Variants in GRM7 observed in about 807,000 individuals in gnomAD.
GRM7 encodes glutamate metabotropic receptor 7.
In GRM7, 35 loss-of-function variants were observed where a neutral mutation model predicts 84.5. That is an observed-to-expected ratio of 0.41 (90% confidence interval 0.32 to 0.55). The LOEUF is 0.55. Among genes scored for constraint, GRM7 ranks in the 20% least tolerant of loss-of-function variants. GRM7 has a pLI of 0.19. For synonymous variants in GRM7, 487 were observed against 455.1 expected (o/e 1.07, Z -0.89); for missense variants, 1,003 against 1,194.6 (o/e 0.84, Z 2.36).
intron 1 of GRM7, among the ~76,000 whole-genome samples, chr3:7,062,490 C>A (rs1218594673): frequency 2.6e-5 from 4 of 151,582 alleles, no homozygotes; most frequent in South Asian, 2.1e-4. Context: ...TATAAAGGAA[C>A]AATAAATACA....
chr3:6,898,750 G>A (rs538486264), intron 1 of GRM7, among the ~76,000 whole-genome samples: 3 of 151,424 alleles, frequency 2.0e-5, no homozygotes, highest in African/African-American at 7.3e-5. Context: ...AAGGCAGGAA[G>A]ATCACTTGAG....
intron 8 of GRM7, among the ~76,000 whole-genome samples, chr3:7,583,592 T>G (rs1405738368): frequency 6.6e-6 from 1 of 152,224 alleles, no homozygotes; most frequent in African/African-American, 2.4e-5. Flanking sequence ...TTCAGCTGTT[T>G]GCTGTCATTG....
At chr3:7,130,261 G>A (rs572949639) in intron 1 of GRM7, among the ~76,000 whole-genome samples, 2 of 152,150 alleles carry the variant, frequency 1.3e-5, no homozygotes, top group Admixed American at 6.5e-5. Context: ...CATGGCTTAT[G>A]GGATGGGCCT....
chr3:6,868,241 A>G (rs975380214), intron 1 of GRM7, among the ~76,000 whole-genome samples: 1 of 152,192 alleles, frequency 6.6e-6, no homozygotes, highest in Non-Finnish European at 1.5e-5. Flanking sequence ...AACTTGTCAG[A>G]TTTGTCTGAC....
At chr3:7,343,575 C>A (rs1692749586) in intron 4 of GRM7, among the ~76,000 whole-genome samples, 1 of 152,094 alleles carries the variant, frequency 6.6e-6, no homozygotes, top group East Asian at 1.9e-4. Context: ...TAAATTAATG[C>A]ACAGAGGTCT....
intron 8 of GRM7, among the ~76,000 whole-genome samples, chr3:7,625,586 T>C (rs1697572672): frequency 6.6e-6 from 1 of 152,094 alleles, no homozygotes; most frequent in Admixed American, 6.5e-5. Context: ...GGAGGATCCT[T>C]TGAGCCCAGG....
At chr3:7,621,743 A>G (rs915561687) in intron 8 of GRM7, among the ~76,000 whole-genome samples, 8 of 152,114 alleles carry the variant, frequency 5.3e-5, no homozygotes, top group Non-Finnish European at 1.2e-4. Flanking sequence ...AATTACAGAA[A>G]ACGATGAAAC....
chr3:7,707,872 T>G (rs1386436391), intron 9 of GRM7, among the ~76,000 whole-genome samples: 1 of 152,092 alleles, frequency 6.6e-6, no homozygotes, highest in African/African-American at 2.4e-5. Context: ...TTAACTTCAT[T>G]CTTATCAGAG....
chr3:7,713,228 C>T (rs1701653789), intron 9 of GRM7, among the ~76,000 whole-genome samples: 1 of 148,292 alleles, frequency 6.7e-6, no homozygotes, highest in East Asian at 2.0e-4. Context: ...ACCTCTGCCT[C>T]CAGGTTCAAG....
intron 1 of GRM7, among the ~76,000 whole-genome samples, chr3:7,145,321 G>A (rs1399749065): frequency 6.6e-6 from 1 of 152,060 alleles, no homozygotes; most frequent in African/African-American, 2.4e-5. Flanking sequence ...AAAATTAATT[G>A]TATCACTCAT....
intron 7 of GRM7, among the ~76,000 whole-genome samples, chr3:7,543,697 T>C (rs779737): frequency 0.71 from 107,348 of 152,136 alleles, 38,248 homozygotes; most frequent in African/African-American, 0.78. Context: ...GAAGATTTTG[T>C]CAGAATTTAA....
chr3:7,224,923 A>AT (rs1334296916), intron 2 of GRM7, among the ~76,000 whole-genome samples: 1 of 152,150 alleles, frequency 6.6e-6, no homozygotes, highest in Non-Finnish European at 1.5e-5. Flanking sequence ...CTTATGCTGC[A>AT]TGTACCCTTG....
rs750908615 is a variant in GRM7 at position 7,461,632 on chromosome 3, G to A, written c.1425G>A (p.Gly475=). The part of the protein sequence containing the change: ...VMFNKNGDAP[G]RYDIFQYQTT... The stretch of plus-strand genomic sequence containing the variant: ...TTAACAAGAACGGGGATGCACCTGG[G>A]CGTTATGACATCTTTCAGTACCAGA... The change falls in exon 7 of 10, where the codon GGG becomes GGA. Residue 475 remains glycine (G), a synonymous_variant. Transcript: ENST00000357716. The A allele has an allele frequency of 2.9e-5, 46 of 1,612,600 alleles. No individual in the cohort carries two copies. Among genetic ancestry groups the A allele is most frequent in the Non-Finnish European group, 3.8e-5 (45 of 1,178,790 alleles).
At chr3:7,212,048 C>T (rs1418178125) in intron 2 of GRM7, among the ~76,000 whole-genome samples, 1 of 152,006 alleles carries the variant, frequency 6.6e-6, no homozygotes, top group Non-Finnish European at 1.5e-5. Context: ...CTTACCAAAC[C>T]ACCTCCTCAG....
chr3:6,905,952 A>G (rs894946502), intron 1 of GRM7, among the ~76,000 whole-genome samples: 3 of 152,170 alleles, frequency 2.0e-5, no homozygotes, highest in African/African-American at 7.2e-5. Context: ...TGAGGGATAA[A>G]CCTAAGTGGC....
intron 9 of GRM7, among the ~76,000 whole-genome samples, chr3:7,698,872 C>T (rs1701118024): frequency 6.6e-6 from 1 of 152,054 alleles, no homozygotes. Flanking sequence ...GTGAATATTC[C>T]CAAATTCTCT....
chr3:7,141,793 A>G (rs1365146813), intron 1 of GRM7, among the ~76,000 whole-genome samples: 1 of 152,120 alleles, frequency 6.6e-6, no homozygotes, highest in Non-Finnish European at 1.5e-5. Flanking sequence ...TAAGAATTTA[A>G]TATAGAACAA....
At chr3:7,345,032 A>G (rs943961667) in intron 4 of GRM7, among the ~76,000 whole-genome samples, 1 of 152,180 alleles carries the variant, frequency 6.6e-6, no homozygotes, top group African/African-American at 2.4e-5. Context: ...GCTGTACCCC[A>G]TAAATATGTG....
In GRM7 at chr3:7,167,786, A is replaced by G. The variant is rs374210050; in HGVS notation, c.736+21118A>G. The stretch of plus-strand genomic sequence containing the variant: ...AGATTGAGACCATCCTGGCTAACAC[A>G]GTGAAACCCCGTCTCAACTAAATAT... On this transcript the variant is annotated intron_variant, in intron 2 of 9. Coordinates refer to ENST00000357716, the MANE Select transcript of GRM7 (RefSeq NM_000844.4). Among the ~76,000 whole-genome samples the G allele has an allele frequency of 2.2e-4, 33 of 151,880 alleles. No individual in the cohort carries two copies. In the East Asian group the frequency reaches 3.1e-3, roughly 14 times the overall value.
Sources: allele counts gnomAD v4.1 joint callset (sites outside exome capture counted in the v4.1 genomes callset), GRCh38; gene constraint gnomAD v4.1.1; transcripts MANE v1.5; gene names NCBI Gene and HGNC (gene_info 2026-07-23, HGNC 2026-07-21).